Variants in GABRG3 observed in about 807,000 individuals in gnomAD.
The protein encoded by GABRG3 is gamma-aminobutyric acid receptor subunit gamma-3.
In GABRG3, 25 loss-of-function variants were observed where a neutral mutation model predicts 48.8. That is an observed-to-expected ratio of 0.51 (90% confidence interval 0.37 to 0.72). The LOEUF (loss-of-function observed/expected upper bound fraction) is 0.72. Ranked by LOEUF, GABRG3 falls within the 30% of genes least tolerant of loss-of-function variation. GABRG3 has a pLI of 0.00. For missense variants in GABRG3, 394 were observed against 577.9 expected, an observed-to-expected ratio of 0.68 and a Z score of 3.26; for synonymous variants, 227 against 217.6, an observed-to-expected ratio of 1.04 and a Z score of -0.38.
chr15:27,372,736 G>A (rs994598536), intron 5 of GABRG3, among the ~76,000 whole-genome samples: 4 of 152,128 alleles, frequency 2.6e-5, no homozygotes, highest in African/African-American at 9.7e-5. Flanking sequence ...CTGTCATTGT[G>A]CCTGTTTCAA....
At chr15:27,086,766 T>A (rs2140749829) in intron 3 of GABRG3, among the ~76,000 whole-genome samples, 1 of 152,340 alleles carries the variant, frequency 6.6e-6, no homozygotes, top group South Asian at 2.1e-4. Flanking sequence ...ATGTTTTGTT[T>A]GTAGCAGTTT....
intron 5 of GABRG3, among the ~76,000 whole-genome samples, chr15:27,336,216 G>A (rs1255736691): frequency 7.5e-6 from 1 of 132,962 alleles, no homozygotes; most frequent in African/African-American, 3.4e-5. Context: ...GAAAGAGAGA[G>A]AGAGAGAGAG....
chr15:27,241,002 CCAT>C (rs1890113761), intron 3 of GABRG3, among the ~76,000 whole-genome samples: 1 of 152,214 alleles, frequency 6.6e-6, no homozygotes, highest in Non-Finnish European at 1.5e-5. Context: ...CCTACCATCT[CCAT>C]CAACCCATGC....
chr15:27,076,102 T>C (rs1434801849), intron 3 of GABRG3, among the ~76,000 whole-genome samples: 1 of 152,112 alleles, frequency 6.6e-6, no homozygotes, highest in Non-Finnish European at 1.5e-5. Context: ...GCTGCATTCT[T>C]TTCTGCCATC....
At chr15:27,301,288 G>A (rs554492684) in intron 3 of GABRG3, among the ~76,000 whole-genome samples, 2 of 152,164 alleles carry the variant, frequency 1.3e-5, no homozygotes, top group Admixed American at 1.3e-4. Flanking sequence ...TTGTTTTCTT[G>A]GGACTTGCTT....
At chr15:26,981,745 C>A (rs567254839) in intron 2 of GABRG3, among the ~76,000 whole-genome samples, 1 of 152,156 alleles carries the variant, frequency 6.6e-6, no homozygotes, top group Admixed American at 6.5e-5. Flanking sequence ...TGTGCCTGAC[C>A]GTGGCTTGCT....
chr15:27,175,220 AG>A lies in GABRG3; in HGVS notation c.270+148400del, dbSNP rs1887709528. Among the ~76,000 whole-genome samples, 3 of 152,014 alleles carry A rather than the reference AG, an allele frequency of 2.0e-5. 1 individual carries two copies. Among genetic ancestry groups the A allele is most frequent in the Admixed American group, 2.0e-4 (3 of 15,270 alleles). On this transcript the variant is annotated intron_variant, in intron 3 of 9. Transcript: ENST00000615808. ...GGTCCTACCTCCACCTGCAATGTGGAGCCTGCAGGACTCCCCCAGCCTTGTC... is the reference window on the plus strand; with the variant it reads ...GGTCCTACCTCCACCTGCAATGTGGACCTGCAGGACTCCCCCAGCCTTGTC...
intron 6 of GABRG3, among the ~76,000 whole-genome samples, chr15:27,495,798 T>C (rs1890472224): frequency 6.6e-6 from 1 of 152,234 alleles, no homozygotes; most frequent in South Asian, 2.1e-4. Flanking sequence ...TCATGTAAAA[T>C]TCCTCACATC....
At position 27,011,545 on chromosome 15, in the gene GABRG3, C is replaced by T. The variant is rs182960757; in HGVS notation, c.203-15209C>T. ...TGCTAGTTTAGCCTAGGTCAGGATA[C>T]TACTTAGATCTACAATTCTAGGCTG... On this transcript the variant is annotated intron_variant, in intron 2 of 9. Coordinates refer to ENST00000615808, the MANE Select transcript of GABRG3 (RefSeq NM_033223.5). Among the ~76,000 whole-genome samples, 125 of 152,190 alleles carry T rather than the reference C, an allele frequency of 8.2e-4. 4 individuals are homozygous for T. The highest frequency in any genetic ancestry group is 2.6e-4 in the Admixed American group (4 of 15,270).
rs144880734 is a variant in GABRG3, at chr15:27,146,373, C to T, written c.270+119552C>T. Among the ~76,000 whole-genome samples the T allele has an allele frequency of 3.3e-5, 5 of 152,250 alleles. No homozygotes were observed. In the East Asian group the frequency reaches 5.8e-4, roughly 18 times the overall value. On this transcript the variant is annotated intron_variant, in intron 3 of 9. Coordinates refer to ENST00000615808, the MANE Select transcript of GABRG3 (RefSeq NM_033223.5). ...TCAGGAGGCTGAGGCAGGAGAATGG[C>T]TTGAACCTGGGATGCGGAGCTTGCA...
chr15:27,417,454 T>A (rs1887974277), intron 5 of GABRG3, among the ~76,000 whole-genome samples: 1 of 152,198 alleles, frequency 6.6e-6, no homozygotes, highest in Non-Finnish European at 1.5e-5. Flanking sequence ...CAGCTTTGGC[T>A]GGGTGCTGGG....
At chr15:27,301,614 G>T (rs1393372319) in intron 3 of GABRG3, among the ~76,000 whole-genome samples, 2 of 152,050 alleles carry the variant, frequency 1.3e-5, no homozygotes, top group Admixed American at 1.3e-4. Context: ...ATATATATGT[G>T]TGTGAGTGTG....
chr15:27,257,558 G>A (rs1187009315), intron 3 of GABRG3, among the ~76,000 whole-genome samples: 2 of 152,120 alleles, frequency 1.3e-5, no homozygotes, highest in African/African-American at 2.4e-5. Context: ...TTCATTTATA[G>A]TATAAGGGTC....
chr15:27,403,903 T>TA (rs1269067656), intron 5 of GABRG3, among the ~76,000 whole-genome samples: 2 of 65,646 alleles, frequency 3.0e-5, no homozygotes, highest in Non-Finnish European at 2.6e-5. Flanking sequence ...AAAGCCAGAC[T>TA]CAAAAAAAAA....
chr15:27,006,266 A>T (rs985566345), intron 2 of GABRG3, among the ~76,000 whole-genome samples: 1 of 151,754 alleles, frequency 6.6e-6, no homozygotes, highest in Non-Finnish European at 1.5e-5. Flanking sequence ...GAGTGGCGCT[A>T]TCTAGGCTCA....
At chr15:27,248,675 A>C in intron 3 of GABRG3, among the ~76,000 whole-genome samples, 1 of 152,020 alleles carries the variant, frequency 6.6e-6, no homozygotes, top group East Asian at 1.9e-4. Context: ...CTTGGTACTA[A>C]GAATGCCTTA....
At chr15:27,278,512 G>A (rs1891331566) in intron 3 of GABRG3, among the ~76,000 whole-genome samples, 1 of 152,130 alleles carries the variant, frequency 6.6e-6, no homozygotes. Context: ...CACCACTAAT[G>A]TGTGCTCCAA....
At chr15:27,530,412 G>C (rs1191701605) in intron 9 of GABRG3, among the ~76,000 whole-genome samples, 7 of 152,306 alleles carry the variant, frequency 4.6e-5, no homozygotes, top group Non-Finnish European at 5.9e-5. Flanking sequence ...AAATGAAAAG[G>C]AGGCAAGTAA....
chr15:27,014,918 C>G (rs1478532686), intron 2 of GABRG3, among the ~76,000 whole-genome samples: 1 of 152,114 alleles, frequency 6.6e-6, no homozygotes, highest in Non-Finnish European at 1.5e-5. Flanking sequence ...TCAGCTCTGC[C>G]AATGTTTACC....
Sources: allele counts gnomAD v4.1 joint callset (sites outside exome capture counted in the v4.1 genomes callset), GRCh38; gene constraint gnomAD v4.1.1; transcripts MANE v1.5; gene names NCBI Gene and HGNC (gene_info 2026-07-23, HGNC 2026-07-21).